SHLD2: variants seen among roughly 807,000 people sequenced by gnomAD.
The protein encoded by SHLD2 is RINN1-REV7-interacting novel NHEJ regulator 2.
A neutral mutation model predicts 73.2 loss-of-function variants in SHLD2; 30 were observed. That is an observed-to-expected ratio of 0.41 (90% CI 0.31 to 0.56). The LOEUF is 0.56. SHLD2 is among the 20% of genes least tolerant of loss of function. SHLD2 has a pLI of 0.28. For missense variants in SHLD2, 745 were observed against 1,055.9 expected (o/e 0.71, Z 4.08); for synonymous variants, 285 against 370.1 (o/e 0.77, Z 2.64).
chr10:87,107,502 G>A (rs1242759534), intron 2 of SHLD2, among the ~76,000 whole-genome samples: 2 of 152,166 alleles, frequency 1.3e-5, no homozygotes, highest in African/African-American at 4.8e-5. Context: ...GTTCAGAGAA[G>A]GCCTTGAAAA....
At chr10:87,145,921 T>C (rs1262844333) in intron 2 of SHLD2, among the ~76,000 whole-genome samples, 1 of 152,188 alleles carries the variant, frequency 6.6e-6, no homozygotes, top group Non-Finnish European at 1.5e-5. Flanking sequence ...TTATTGAAAT[T>C]AATCAGTTGT....
chr10:87,105,864 A>G (rs1842561965), intron 2 of SHLD2, among the ~76,000 whole-genome samples: 1 of 152,242 alleles, frequency 6.6e-6, no homozygotes, highest in Non-Finnish European at 1.5e-5. Context: ...AGACCCCAGT[A>G]GCTAGGATTG....
chr10:87,165,240 A>T (rs2134482861), intron 4 of SHLD2, among the ~76,000 whole-genome samples: 1 of 152,182 alleles, frequency 6.6e-6, no homozygotes, highest in African/African-American at 2.4e-5. Context: ...CATCAGGCAG[A>T]GATCACAATA....
intron 2 of SHLD2, among the ~76,000 whole-genome samples, chr10:87,146,238 G>A (rs184771568): frequency 2.6e-5 from 4 of 152,192 alleles, no homozygotes; most frequent in East Asian, 1.9e-4. Context: ...GGTCCAGGAC[G>A]GCTTTAAATG....
At chr10:87,104,501 T>G (rs1434515780) in intron 2 of SHLD2, among the ~76,000 whole-genome samples, 2 of 149,826 alleles carry the variant, frequency 1.3e-5, no homozygotes, top group African/African-American at 2.5e-5. Flanking sequence ...GCCACTGCAC[T>G]CTAGCTTGGG....
At chr10:87,165,212 A>G (rs1296297070) in intron 4 of SHLD2, among the ~76,000 whole-genome samples, 4 of 151,686 alleles carry the variant, frequency 2.6e-5, no homozygotes, top group Admixed American at 2.0e-4. Context: ...AATACAAAAC[A>G]CAAAAATAGA....
At chr10:87,180,013 T>G (rs943356461) in intron 7 of SHLD2, 62 bp from the exon 8 acceptor site, 22 of 1,216,352 alleles carry the variant, frequency 1.8e-5, no homozygotes, top group Non-Finnish European at 2.3e-5. Flanking sequence ...TTAGCCATGT[T>G]TGTAAATTAA....
chr10:87,104,599 A>G (rs752744228), intron 2 of SHLD2, among the ~76,000 whole-genome samples: 3 of 152,080 alleles, frequency 2.0e-5, no homozygotes. Context: ...AATAAAAAGT[A>G]AAAAGAAAAT....
chr10:87,184,090 A>G (rs1286992979), intron 8 of SHLD2, among the ~76,000 whole-genome samples: 1 of 151,924 alleles, frequency 6.6e-6, no homozygotes, highest in East Asian at 1.9e-4. Flanking sequence ...TCCTAACCAC[A>G]CTCAAATCTA....
chr10:87,179,613 G>T (rs1164828174), intron 7 of SHLD2, among the ~76,000 whole-genome samples: 1 of 152,194 alleles, frequency 6.6e-6, no homozygotes, highest in African/African-American at 2.4e-5. Context: ...ATGTTAGCCA[G>T]GATGGTCTCG....
At chr10:87,156,263 C>T (rs547477257) in intron 3 of SHLD2, among the ~76,000 whole-genome samples, 7 of 152,146 alleles carry the variant, frequency 4.6e-5, no homozygotes, top group Middle Eastern at 3.4e-3. Context: ...GACAGGGTTT[C>T]ACCATATTGG....
chr10:87,147,613 C>T (rs1245641884), intron 2 of SHLD2, among the ~76,000 whole-genome samples: 1 of 151,960 alleles, frequency 6.6e-6, no homozygotes, highest in Non-Finnish European at 1.5e-5. Context: ...CCATAGTAGG[C>T]CTGTCCCTTG....
At chr10:87,121,002 A>G (rs1217193775) in intron 2 of SHLD2, among the ~76,000 whole-genome samples, 6 of 152,114 alleles carry the variant, frequency 3.9e-5, no homozygotes, top group Admixed American at 6.5e-5. Flanking sequence ...GTGAGCCGAC[A>G]TTGCGCCATT....
chr10:87,105,024 T>G (rs566047461), intron 2 of SHLD2, among the ~76,000 whole-genome samples: 1 of 152,308 alleles, frequency 6.6e-6, no homozygotes, highest in Admixed American at 6.5e-5. Flanking sequence ...TATTTTAAAA[T>G]AGAGGTCAGG....
intron 2 of SHLD2, among the ~76,000 whole-genome samples, chr10:87,107,107 A>AAAAAG (rs56386341): frequency 0.03 from 4,385 of 146,456 alleles, 209 homozygotes; most frequent in Admixed American, 0.1. Flanking sequence ...AAAAAAAAAA[A>AAAAAG]AGAGATTTAA....
At chr10:87,094,676 A>G (rs1841676772), upstream of SHLD2, 1 of 1,518,174 alleles carries the variant, frequency 6.6e-7, no homozygotes, top group Non-Finnish European at 8.8e-7. This position sits in a 1 kb window ranked among gnomAD's most constrained non-coding sequence, Gnocchi z 6.6. Context: ...CCCCGGGCCC[A>G]GCCCAGCAAC....
intron 2 of SHLD2, among the ~76,000 whole-genome samples, chr10:87,127,050 T>G (rs1161957168): frequency 2.6e-5 from 4 of 152,180 alleles, no homozygotes; most frequent in African/African-American, 9.7e-5. Flanking sequence ...GAAAGTCATC[T>G]GACACAGTTA....
chr10:87,154,353 A>G (rs1223351445), intron 3 of SHLD2: 10 of 150,946 alleles, frequency 6.6e-5, no homozygotes, highest in Non-Finnish European at 1.5e-5. Context: ...ACAGGCACGC[A>G]TGCCGCTGCA....
At chr10:87,158,769 CAAAGT>C (rs1209133225) in intron 4 of SHLD2, among the ~76,000 whole-genome samples, 8 of 152,174 alleles carry the variant, frequency 5.3e-5, no homozygotes, top group Admixed American at 3.9e-4. Flanking sequence ...AGAAAGAAAA[CAAAGT>C]AAGGGAAACA....
Sources: allele counts gnomAD v4.1 joint callset (sites outside exome capture counted in the v4.1 genomes callset), GRCh38; gene constraint gnomAD v4.1.1; non-coding constraint Gnocchi (gnomAD v3.1); transcripts MANE v1.5; gene names NCBI Gene and HGNC (gene_info 2026-07-23, HGNC 2026-07-21).